RFTN1: variants seen among roughly 807,000 people sequenced by gnomAD.
RFTN1 encodes the protein raftlin, lipid raft linker 1.
A neutral mutation model predicts 46.5 loss-of-function variants in RFTN1; 26 were observed. The ratio of observed to expected loss-of-function variants is 0.56; its 90% CI spans 0.41 to 0.78. The LOEUF (loss-of-function observed/expected upper bound fraction) is 0.78. Ranked by LOEUF, RFTN1 falls within the 30% of genes least tolerant of loss-of-function variation. The pLI is 0.00. For synonymous variants in RFTN1, 261 were observed against 284.2 expected (o/e 0.92, Z 0.82); for missense variants, 693 against 718.7 (o/e 0.96, Z 0.41).
At chr3:16,362,448 T>A (rs879682364) in intron 6 of RFTN1, among the ~76,000 whole-genome samples, 1 of 152,054 alleles carries the variant, frequency 6.6e-6, no homozygotes, top group Non-Finnish European at 1.5e-5. Flanking sequence ...CCAAGGTGAG[T>A]ATGGACCATA....
Position 16,427,590 on chromosome 3 carries a change from A to T in RFTN1, c.332+6261T>A, listed in dbSNP as rs1008743594. On this transcript the variant is annotated intron_variant, in intron 3 of 9. Transcript: ENST00000334133. The surrounding 1 kb of genome is among the most constrained non-coding windows in gnomAD (Gnocchi z 5.4). Reference sequence around the variant, plus strand: ...AGGAAACATTTCACAGACTCCAAGCATATGGTCAATTTGGGATGAAGCAGC... The same window carrying T: ...AGGAAACATTTCACAGACTCCAAGCTTATGGTCAATTTGGGATGAAGCAGC... Among the ~76,000 whole-genome samples the T allele has an allele frequency of 2.6e-5, 4 of 152,224 alleles. No homozygotes were observed. The highest frequency in any genetic ancestry group is 4.4e-5 in the Non-Finnish European group (3 of 68,038).
chr3:16,438,855 A>G (rs2075567165), intron 2 of RFTN1, among the ~76,000 whole-genome samples: 1 of 152,154 alleles, frequency 6.6e-6, no homozygotes, highest in East Asian at 1.9e-4. Context: ...GGTGATGACA[A>G]CATGATGTGG....
In RFTN1 at chr3:16,358,965, G is replaced by A. The variant is rs577485903; in HGVS notation, c.1031-918C>T. ...GAGAATCGCTTGAACCGGGGAGGTG[G>A]AGGTTGCAGTGAGCCGAGATAGCAC... On this transcript the variant is annotated intron_variant, in intron 6 of 9. Coordinates refer to ENST00000334133, the MANE Select transcript of RFTN1 (RefSeq NM_015150.2). Among the ~76,000 whole-genome samples the A allele has an allele frequency of 6.6e-5, 10 of 150,396 alleles. No individual in the cohort carries two copies. In the East Asian group the frequency reaches 2.0e-3, roughly 29 times the overall value.
chr3:16,482,155 G>A (rs2076376384), intron 2 of RFTN1, among the ~76,000 whole-genome samples: 1 of 152,134 alleles, frequency 6.6e-6, no homozygotes. Context: ...TGGGTCCCAG[G>A]CAGCAGCAAG....
rs777365677 is a variant in RFTN1, at chr3:16,433,806, C to T, written c.332+45G>A. The T allele has an allele frequency of 4.4e-6, 7 of 1,597,476 alleles. No individual in the cohort carries two copies. Among genetic ancestry groups the T allele is most frequent in the Non-Finnish European group, 6.0e-6 (7 of 1,165,152 alleles). On this transcript the variant is annotated intron_variant, in intron 3 of 9. Coordinates refer to ENST00000334133, the MANE Select transcript of RFTN1 (RefSeq NM_015150.2). The surrounding 1 kb of genome is among the most constrained non-coding windows in gnomAD (Gnocchi z 4.4). ...ACTTCCCCTCCTCTATTGAGCATAA[C>T]TTAGCCGCAACAGGATGCTACCCAT...
At position 16,480,998 on chromosome 3, in the gene RFTN1, G is replaced by GACACACACACACAC. The variant is rs34945684; in HGVS notation, c.145+12713_145+12726dup. ...ATATGCACATGCACACACACACACA[G>GACACACACACACAC]ACACACACACACACACACACACACA... On this transcript the variant is annotated intron_variant, in intron 2 of 9. Transcript: ENST00000334133. This position sits in a 1 kb window ranked among gnomAD's most constrained non-coding sequence, Gnocchi z 4.3. 1.2e-4 allele frequency among the ~76,000 whole-genome samples: 18 copies of GACACACACACACAC among 145,884 alleles called. No individual in the cohort carries two copies. The South Asian group carries it at 3.8e-3, about 31-fold the overall frequency.
chr3:16,319,667 T>C (rs2068823964), intron 9 of RFTN1, among the ~76,000 whole-genome samples: 1 of 152,200 alleles, frequency 6.6e-6, no homozygotes, highest in African/African-American at 2.4e-5. Flanking sequence ...ACATCCAGTT[T>C]CCTGTAGAAG....
intron 2 of RFTN1, among the ~76,000 whole-genome samples, chr3:16,461,095 T>G (rs2124928061): frequency 6.6e-6 from 1 of 152,342 alleles, no homozygotes; most frequent in East Asian, 1.9e-4. Flanking sequence ...ATGTTTGTGA[T>G]CCAATAACAA....
At chr3:16,482,661 AT>A in intron 2 of RFTN1, 1 of 1,115,304 alleles carries the variant, frequency 9.0e-7, no homozygotes, top group Non-Finnish European at 1.3e-6. Context: ...CAAGATCTCT[AT>A]AAGGATTAAT....
rs568184362 is a variant in RFTN1 at position 16,428,568 on chromosome 3, G to A, written c.332+5283C>T. 4.6e-5 allele frequency among the ~76,000 whole-genome samples: 7 copies of A among 152,232 alleles called. No individual in the cohort carries two copies. In the East Asian group the frequency reaches 1.4e-3, roughly 29 times the overall value. ...CCCCACCCTAATCCTAGGCCAAAAG[G>A]TGCCTGATAAATGTCCACAGAGCTC... On this transcript the variant is annotated intron_variant, in intron 3 of 9. Coordinates refer to ENST00000334133, the MANE Select transcript of RFTN1 (RefSeq NM_015150.2). This position sits in a 1 kb window ranked among gnomAD's most constrained non-coding sequence, Gnocchi z 4.7.
At position 16,421,881 on chromosome 3, in the gene RFTN1, C is replaced by A. The variant is rs920800182; in HGVS notation, c.332+11970G>T. Reference sequence around the variant, plus strand: ...ATCCACTAATTCACCTTACTGAGATCTCAGCTGAAAGTGCTTCCCTGAACC... The same window carrying A: ...ATCCACTAATTCACCTTACTGAGATATCAGCTGAAAGTGCTTCCCTGAACC... On this transcript the variant is annotated intron_variant, in intron 3 of 9. Transcript: ENST00000334133. The surrounding 1 kb of genome is among the most constrained non-coding windows in gnomAD (Gnocchi z 4.6). Among the ~76,000 whole-genome samples, 4 of 152,208 alleles carry A rather than the reference C, an allele frequency of 2.6e-5. No individual in the cohort carries two copies. Among genetic ancestry groups the A allele is most frequent in the Non-Finnish European group, 5.9e-5 (4 of 68,034 alleles).
At chr3:16,445,826 T>A (rs1372117233) in intron 2 of RFTN1, among the ~76,000 whole-genome samples, 1 of 152,198 alleles carries the variant, frequency 6.6e-6, no homozygotes, top group African/African-American at 2.4e-5. Flanking sequence ...TCAAAGTATA[T>A]TTCCATTGGA....
intron 1 of RFTN1, among the ~76,000 whole-genome samples, chr3:16,503,134 G>C (rs553435818): frequency 6.6e-6 from 1 of 152,236 alleles, no homozygotes; most frequent in African/African-American, 2.4e-5. Flanking sequence ...GTCTGTCTCA[G>C]GAGGGGTCTG....
chr3:16,441,462 C>T (rs1011069852), intron 2 of RFTN1, among the ~76,000 whole-genome samples: 10 of 152,122 alleles, frequency 6.6e-5, no homozygotes, highest in Non-Finnish European at 1.3e-4. Context: ...CATTTATTCC[C>T]TGGAAACGAA....
chr3:16,435,247 T>A (rs1297988185), intron 2 of RFTN1, among the ~76,000 whole-genome samples: 1 of 152,230 alleles, frequency 6.6e-6, no homozygotes, highest in Admixed American at 6.5e-5. Context: ...CACACCTAGC[T>A]TTTTAGAATC....
At position 16,345,301 on chromosome 3, in the gene RFTN1, T is replaced by TGTGTGTGTGTGTGTGTGTGTGTG. The variant is rs1559842639; in HGVS notation, c.1146+12630_1146+12631insCACACACACACACACACACACAC. The TGTGTGTGTGTGTGTGTGTGTGTG allele has an allele frequency of 2.7e-5, 4 of 146,554 alleles. No homozygotes were observed. The highest frequency in any genetic ancestry group is 9.9e-5 in the African/African-American group (4 of 40,444). 9.1% of individuals were successfully genotyped at this position (146,554 alleles called of 1,614,324 possible). ...GTGTGTGTGTGTGTGTGTGTGTGTG[T>TGTGTGTGTGTGTGTGTGTGTGTG]TTAAAGCTGTTATAGAATTATCTCC... On this transcript the variant is annotated intron_variant, in intron 7 of 9. Transcript: ENST00000334133. This position sits in a 1 kb window ranked among gnomAD's most constrained non-coding sequence, Gnocchi z 5.2.
rs2076257415 is a variant in RFTN1 at position 16,474,967 on chromosome 3, C to T, written c.145+18758G>A. Among the ~76,000 whole-genome samples, 1 of 152,198 alleles carries T rather than the reference C, an allele frequency of 6.6e-6. No individual in the cohort carries two copies. The highest frequency in any genetic ancestry group is 1.5e-5 in the Non-Finnish European group (1 of 68,042). On this transcript the variant is annotated intron_variant, in intron 2 of 9. Transcript: ENST00000334133. The surrounding 1 kb of genome is among the most constrained non-coding windows in gnomAD (Gnocchi z 5.5). Reference sequence around the variant, plus strand: ...CAAATCTCATATTGATATTTGATCTCCCACGTTGGAGGTGGGGCCTAGTGG... The same window carrying T: ...CAAATCTCATATTGATATTTGATCTTCCACGTTGGAGGTGGGGCCTAGTGG...
rs769768811 is a variant in RFTN1 at position 16,493,732 on chromosome 3, C to CA, written c.137dup (p.Ser47GlufsTer18). 7 of 1,607,002 alleles carry CA rather than the reference C, an allele frequency of 4.4e-6. No homozygotes were observed. On this transcript the variant is annotated frameshift_variant, in exon 2 of 10. Coordinates refer to ENST00000334133, the MANE Select transcript of RFTN1 (RefSeq NM_015150.2). LOFTEE classifies it high-confidence loss of function. The stretch of plus-strand genomic sequence containing the variant: ...CCCACCCCATGTACTCACCAGCACT[C>CA]AGAGTCGTGAACTCCAGGAAGCGGT...
chr3:16,367,035 A>C (rs151268448), intron 6 of RFTN1, among the ~76,000 whole-genome samples: 54 of 152,324 alleles, frequency 3.5e-4, no homozygotes, highest in African/African-American at 1.2e-3. Context: ...TCAAGAACAG[A>C]AGCTCTGGAG....
Sources: gnomAD v4.1 joint callset for allele counts (sites outside exome capture counted in the v4.1 genomes callset) on GRCh38, gnomAD v4.1.1 for gene constraint, Gnocchi (gnomAD v3.1) non-coding constraint, MANE v1.5 for transcripts, NCBI Gene and HGNC (gene_info 2026-07-23, HGNC 2026-07-21) for gene names.